Variants in MKLN1 observed in about 807,000 individuals in gnomAD.
MKLN1 encodes muskelin.
A neutral mutation model predicts 99.0 loss-of-function variants in MKLN1; 18 were observed. The observed-to-expected ratio is 0.18, with a 90% CI of 0.13 to 0.27. The LOEUF is 0.27. Among genes scored for constraint, MKLN1 ranks in the 10% least tolerant of loss-of-function variants. MKLN1 has a pLI of 1.00. For synonymous variants in MKLN1, 288 were observed against 293.2 expected (o/e 0.98, Z 0.18); for missense variants, 621 against 875.9 (o/e 0.71, Z 3.67).
At chr7:131,280,453 A>C (rs902085365) in intron 3 of MKLN1, among the ~76,000 whole-genome samples, 3 of 152,216 alleles carry the variant, frequency 2.0e-5, no homozygotes, top group Admixed American at 1.3e-4. Flanking sequence ...CAGTTTCTCC[A>C]GATCCTTACC....
In MKLN1 at chr7:131,266,804, A is replaced by C. The variant is rs1192296332; in HGVS notation, c.-179+63830A>C. On this transcript the variant is annotated intron_variant, in intron 3 of 7. Coordinates refer to the MKLN1 transcript ENST00000416992. ...TGCTTGATTCCTAGGTGATTGTCTCAGAAGTACCAGGTCTGCAAGTTTATG... is the reference window on the plus strand; with the variant it reads ...TGCTTGATTCCTAGGTGATTGTCTCCGAAGTACCAGGTCTGCAAGTTTATG... Among the ~76,000 whole-genome samples the C allele has an allele frequency of 2.6e-5, 4 of 151,882 alleles. No homozygotes were observed. In the South Asian group the frequency reaches 8.3e-4, roughly 32 times the overall value.
intron 1 of MKLN1, among the ~76,000 whole-genome samples, chr7:131,369,000 T>TCA (rs57537888): frequency 0.011 from 1,576 of 149,760 alleles, 15 homozygotes; most frequent in Middle Eastern, 0.024. Flanking sequence ...ATCTGTATAA[T>TCA]CACACACACA....
intron 3 of MKLN1, among the ~76,000 whole-genome samples, chr7:131,268,079 C>T (rs971118776): frequency 6.6e-6 from 1 of 152,098 alleles, no homozygotes; most frequent in African/African-American, 2.4e-5. Flanking sequence ...ATCACATAGG[C>T]TGGGTTGGGT....
intron 3 of MKLN1, among the ~76,000 whole-genome samples, chr7:131,219,727 T>C (rs1264958517): frequency 6.6e-6 from 1 of 152,152 alleles, no homozygotes. Context: ...GATTTGCAAT[T>C]CTGCAGCTCG....
chr7:131,157,190 G>A (rs1463320608), intron 2 of MKLN1, among the ~76,000 whole-genome samples: 2 of 152,032 alleles, frequency 1.3e-5, no homozygotes, highest in Admixed American at 6.6e-5. Context: ...AACCAGTCCG[G>A]GCAACATGGT....
intron 2 of MKLN1, among the ~76,000 whole-genome samples, chr7:131,145,299 T>C (rs1795801389): frequency 6.6e-6 from 1 of 152,166 alleles, no homozygotes; most frequent in Non-Finnish European, 1.5e-5. Context: ...GTACAGGTAC[T>C]GAGTGGGGGC....
intron 12 of MKLN1, among the ~76,000 whole-genome samples, chr7:131,454,243 G>A (rs763478805): frequency 1.3e-5 from 2 of 152,126 alleles, no homozygotes; most frequent in South Asian, 2.1e-4. Context: ...ATCTGAAGAC[G>A]GATTGACCAT....
At chr7:131,202,063 T>C (rs764297413) in intron 2 of MKLN1, among the ~76,000 whole-genome samples, 1 of 151,318 alleles carries the variant, frequency 6.6e-6, no homozygotes, top group African/African-American at 2.4e-5. Flanking sequence ...GGAACAACAC[T>C]AGTCAAGAAA....
chr7:131,358,112 T>C (rs574573306), intron 1 of MKLN1, among the ~76,000 whole-genome samples: 3 of 152,338 alleles, frequency 2.0e-5, no homozygotes, highest in Non-Finnish European at 4.4e-5. Flanking sequence ...TTGAATAGAA[T>C]TGCCTTATTC....
chr7:131,335,710 T>A (rs932637007), intron 1 of MKLN1, among the ~76,000 whole-genome samples: 37 of 145,410 alleles, frequency 2.5e-4, no homozygotes, highest in Non-Finnish European at 4.9e-4. Flanking sequence ...TTTTTTTTTT[T>A]AACAAATGTA....
intron 8 of MKLN1, 78 bp from the exon 9 acceptor site, chr7:131,428,955 A>T: frequency 8.9e-7 from 1 of 1,117,464 alleles, no homozygotes; most frequent in Non-Finnish European, 1.3e-6. Flanking sequence ...AAGTGGCCTT[A>T]GAAACAGCTG....
chr7:131,196,875 A>G (rs932142974), intron 2 of MKLN1, among the ~76,000 whole-genome samples: 1 of 152,206 alleles, frequency 6.6e-6, no homozygotes, highest in African/African-American at 2.4e-5. Flanking sequence ...TAAGCAAAGA[A>G]TTCTATATAG....
intron 3 of MKLN1, among the ~76,000 whole-genome samples, chr7:131,232,110 T>G (rs891755793): frequency 6.6e-6 from 1 of 152,200 alleles, no homozygotes; most frequent in Non-Finnish European, 1.5e-5. Flanking sequence ...TAACTTTGCT[T>G]CCTACCTCCA....
At chr7:131,124,433 G>A (rs1398061106) in intron 1 of MKLN1, among the ~76,000 whole-genome samples, 1 of 152,176 alleles carries the variant, frequency 6.6e-6, no homozygotes, top group Non-Finnish European at 1.5e-5. Flanking sequence ...TCTTGCTTTT[G>A]TCTTCTCTAG....
chr7:131,484,421 A>G (rs1797217277), intron 17 of MKLN1, among the ~76,000 whole-genome samples: 1 of 152,176 alleles, frequency 6.6e-6, no homozygotes, highest in African/African-American at 2.4e-5. Context: ...GATGAAGAAC[A>G]AAAATAGTAA....
chr7:131,209,739 C>T (rs1327081223), intron 3 of MKLN1, among the ~76,000 whole-genome samples: 1 of 152,132 alleles, frequency 6.6e-6, no homozygotes, highest in Non-Finnish European at 1.5e-5. Context: ...AATCCCATTC[C>T]CTTTTGCTAG....
rs1031672403 is a variant in MKLN1 at position 131,337,895 on chromosome 7, A to G, written c.98+9898A>G. Among the ~76,000 whole-genome samples, 4 of 152,174 alleles carry G rather than the reference A, an allele frequency of 2.6e-5. No homozygotes were observed. In the East Asian group the frequency reaches 7.7e-4, roughly 29 times the overall value. On this transcript the variant is annotated intron_variant, in intron 1 of 17. Coordinates refer to ENST00000352689, the MANE Select transcript of MKLN1 (RefSeq NM_013255.5). ...AATTTTAGATACAAATTTTGTATCTATAATGATACATTTCCCCAGATAGGA... is the reference window on the plus strand; with the variant it reads ...AATTTTAGATACAAATTTTGTATCTGTAATGATACATTTCCCCAGATAGGA...
chr7:131,165,983 T>C (rs1236738801), intron 2 of MKLN1, among the ~76,000 whole-genome samples: 1 of 152,078 alleles, frequency 6.6e-6, no homozygotes, highest in Non-Finnish European at 1.5e-5. Flanking sequence ...AGAGTGGCAG[T>C]GTGCACCTGT....
At chr7:131,416,402 A>G (rs1031770479) in intron 8 of MKLN1, among the ~76,000 whole-genome samples, 1 of 152,158 alleles carries the variant, frequency 6.6e-6, no homozygotes, top group Non-Finnish European at 1.5e-5. Flanking sequence ...TATTCAAAGA[A>G]TAGGCAAATG....
Sources: gnomAD v4.1 joint callset for allele counts (sites outside exome capture counted in the v4.1 genomes callset) on GRCh38, gnomAD v4.1.1 for gene constraint, MANE v1.5 for transcripts, NCBI Gene and HGNC (gene_info 2026-07-23, HGNC 2026-07-21) for gene names.